The following CYTH3 variants were observed in gnomAD, a reference collection of about 807,000 sequenced individuals.
CYTH3 encodes cytohesin-3.
CYTH3 carries 23 observed loss-of-function variants against 55.1 expected under a neutral mutation model. That is an observed-to-expected ratio of 0.42 (90% CI 0.30 to 0.59). The LOEUF (loss-of-function observed/expected upper bound fraction) is 0.59, where lower values mean the gene tolerates loss of function less well. Ranked by LOEUF, CYTH3 falls within the 20% of genes least tolerant of loss-of-function variation. The pLI, the probability that CYTH3 is intolerant of heterozygous loss-of-function variation, is 0.20. For synonymous variants in CYTH3, 249 were observed against 194.9 expected (o/e 1.28, Z -2.31); for missense variants, 413 against 524.8 (o/e 0.79, Z 2.08).
chr7:6,225,083 T>C (rs1318978200), intron 1 of CYTH3, among the ~76,000 whole-genome samples: 1 of 152,002 alleles, frequency 6.6e-6, no homozygotes. Context: ...CTGTTAGGGG[T>C]GAAGAAATGT....
intron 1 of CYTH3, among the ~76,000 whole-genome samples, chr7:6,218,675 G>C (rs78044447): frequency 0.013 from 1,999 of 152,254 alleles, 26 homozygotes; most frequent in Middle Eastern, 0.058. Context: ...AGAAAGCCTA[G>C]ATTGCCTTAA....
At chr7:6,177,783 AGT>A (rs769222909) in intron 5 of CYTH3, 38 bp downstream of exon 5, 2 of 1,483,526 alleles carry the variant, frequency 1.3e-6, no homozygotes, top group Middle Eastern at 1.9e-4. Flanking sequence ...TGCAGGGCTG[AGT>A]GGCCCCAGGT....
At chr7:6,185,826 G>A (rs900196986) in intron 4 of CYTH3, among the ~76,000 whole-genome samples, 1 of 152,104 alleles carries the variant, frequency 6.6e-6, no homozygotes, top group Non-Finnish European at 1.5e-5. Context: ...CTGCACTTAT[G>A]TGAGTTTACA....
chr7:6,255,107 T>G (rs1780064452), intron 1 of CYTH3, among the ~76,000 whole-genome samples: 1 of 152,178 alleles, frequency 6.6e-6, no homozygotes, highest in South Asian at 2.1e-4. Context: ...TTTTGATAAA[T>G]TCTTCATATA....
rs28439928 is a variant in CYTH3, at chr7:6,272,408, T to G, written c.34+66A>C. On this transcript the variant is annotated intron_variant, in intron 1 of 12. Coordinates refer to ENST00000350796, the MANE Select transcript of CYTH3 (RefSeq NM_004227.4). ...CGAACCCCGGCCCAGCGCCGCGCCC[T>G]CGACCCCCAGCCCCCGGCCCCCGAC... 0.033 allele frequency: 40,254 copies of G among 1,206,732 alleles called. 7,542 individuals carry two copies. In the African/African-American group the frequency reaches 0.49, roughly 15 times the overall value. The allele number at this position is 1,206,732 out of a possible 1,614,324, so 74.8% of individuals were successfully genotyped here.
At chr7:6,165,491 G>A in intron 11 of CYTH3, 54 bp downstream of exon 11, 2 of 1,609,888 alleles carry the variant, frequency 1.2e-6, no homozygotes, top group Non-Finnish European at 1.7e-6. Context: ...TGCAGGCAGT[G>A]AGGATGGCTC....
chr7:6,167,422 T>G lies in CYTH3; in HGVS notation c.824-1612A>C, dbSNP rs1287007134. On this transcript the variant is annotated intron_variant, in intron 9 of 12. Coordinates refer to ENST00000350796, the MANE Select transcript of CYTH3 (RefSeq NM_004227.4). This position sits in a 1 kb window ranked among gnomAD's most constrained non-coding sequence, Gnocchi z 5.5. Reference sequence around the variant, plus strand: ...CTTGAACTGCTGTGGCAGAATCAGCTGACAGCAACTCCACTACCCTGACAT... The same window carrying G: ...CTTGAACTGCTGTGGCAGAATCAGCGGACAGCAACTCCACTACCCTGACAT... Among the ~76,000 whole-genome samples the G allele has an allele frequency of 2.0e-5, 3 of 152,178 alleles. No homozygotes were observed. The East Asian group carries it at 5.8e-4, about 29-fold the overall frequency.
intron 1 of CYTH3, among the ~76,000 whole-genome samples, chr7:6,219,945 G>A (rs916042177): frequency 1.3e-5 from 2 of 152,140 alleles, no homozygotes; most frequent in South Asian, 2.1e-4. Flanking sequence ...TGTGGTGTTG[G>A]CAGAGGGATA....
intron 1 of CYTH3, among the ~76,000 whole-genome samples, chr7:6,223,190 G>A (rs1183409620): frequency 1.5e-4 from 22 of 151,488 alleles, no homozygotes; most frequent in Non-Finnish European, 2.9e-5. Context: ...CTGCCCGGCC[G>A]CCCCATCTGG....
intron 1 of CYTH3, among the ~76,000 whole-genome samples, chr7:6,212,234 A>C (rs1208031755): frequency 6.6e-6 from 1 of 152,178 alleles, no homozygotes; most frequent in Non-Finnish European, 1.5e-5. Context: ...GGGCTCATGC[A>C]GTCATTCTGC....
rs1782938893 is a variant in CYTH3 at position 6,164,811 on chromosome 7, C to T, written c.*133G>A. On this transcript the variant is annotated 3_prime_UTR_variant, in exon 13 of 13. Transcript: ENST00000350796. ...CGAGGCCTTGGGGATACCACCTGGG[C>T]CACGGTATGCTCTGGAGCAGCAGCT... 11 of 1,024,506 alleles carry T rather than the reference C, an allele frequency of 1.1e-5. No homozygotes were observed. The South Asian group carries it at 1.6e-4, about 15-fold the overall frequency. The allele number at this position is 1,024,506 out of a possible 1,614,324, so 63.5% of individuals were successfully genotyped here.
At chr7:6,218,466 T>C (rs998707215) in intron 1 of CYTH3, among the ~76,000 whole-genome samples, 2 of 152,222 alleles carry the variant, frequency 1.3e-5, no homozygotes, top group Non-Finnish European at 2.9e-5. Context: ...GTGAAGCTGA[T>C]TTCAGACTTC....
At chr7:6,204,579 T>C (rs1784141949) in intron 1 of CYTH3, among the ~76,000 whole-genome samples, 1 of 152,222 alleles carries the variant, frequency 6.6e-6, no homozygotes, top group African/African-American at 2.4e-5. Flanking sequence ...TCCAGCACTG[T>C]GGCCTCCTGA....
chr7:6,247,117 G>C (rs569829395), intron 1 of CYTH3, among the ~76,000 whole-genome samples: 7 of 152,334 alleles, frequency 4.6e-5, no homozygotes, highest in Admixed American at 2.6e-4. Flanking sequence ...TGAAGGCAGT[G>C]TGCTAGCTCC....
chr7:6,175,545 CTT>C (rs1177188782), intron 5 of CYTH3, among the ~76,000 whole-genome samples: 26 of 89,004 alleles, frequency 2.9e-4, no homozygotes, highest in African/African-American at 8.8e-4. Flanking sequence ...ACACTTTAGT[CTT>C]TTTTTTTTTT....
chr7:6,175,364 T>A (rs1355767282), intron 5 of CYTH3, among the ~76,000 whole-genome samples: 1 of 152,168 alleles, frequency 6.6e-6, no homozygotes, highest in Non-Finnish European at 1.5e-5. Flanking sequence ...CTACCTACTT[T>A]TACCCAGCAC....
At chr7:6,208,235 C>T (rs1413758071) in intron 1 of CYTH3, among the ~76,000 whole-genome samples, 1 of 152,160 alleles carries the variant, frequency 6.6e-6, no homozygotes, top group African/African-American at 2.4e-5. Flanking sequence ...TTTTAAATAA[C>T]TGCTTTGTAT....
chr7:6,232,649 A>G (rs532075022), intron 1 of CYTH3, among the ~76,000 whole-genome samples: 1 of 152,334 alleles, frequency 6.6e-6, no homozygotes, highest in Non-Finnish European at 1.5e-5. Flanking sequence ...GGACTGTAGC[A>G]GTGGTGGCTG....
rs979977454 is a variant in CYTH3, at chr7:6,255,768, T to G, written c.34+16706A>C. On this transcript the variant is annotated intron_variant, in intron 1 of 12. Transcript: ENST00000350796. The stretch of plus-strand genomic sequence containing the variant: ...TTTGACCTTTAATCTGTTTTTTTTT[T>G]TTTTTTTTTTTTTGAGATGGAATCT... 2.5e-3 allele frequency among the ~76,000 whole-genome samples: 356 copies of G among 144,556 alleles called. 1 individual carries two copies. The highest frequency in any genetic ancestry group is 8.5e-3 in the African/African-American group (328 of 38,364). 94.8% of individuals were successfully genotyped at this position (144,556 alleles called of 152,430 possible).
Sources: allele counts gnomAD v4.1 joint callset (sites outside exome capture counted in the v4.1 genomes callset), GRCh38; gene constraint gnomAD v4.1.1; non-coding constraint Gnocchi (gnomAD v3.1); transcripts MANE v1.5; gene names NCBI Gene and HGNC (gene_info 2026-07-23, HGNC 2026-07-21).